The following ITGA8 variants were observed in gnomAD, a reference collection of about 807,000 sequenced individuals.
ITGA8 encodes the protein integrin subunit alpha 8.
ITGA8 carries 91 observed loss-of-function variants against 142.3 expected under a neutral mutation model. That is an observed-to-expected ratio of 0.64 (90% confidence interval 0.54 to 0.76). ITGA8 has a LOEUF of 0.76. Among genes scored for constraint, ITGA8 ranks in the 30% least tolerant of loss-of-function variants. The pLI, the probability that ITGA8 is intolerant of heterozygous loss-of-function variation, is 0.00. For synonymous variants in ITGA8, 505 were observed against 485.2 expected (o/e 1.04, Z -0.54); for missense variants, 1,406 against 1,327.7 (o/e 1.06, Z -0.92).
At chr10:15,710,969 G>A (rs1488067732) in intron 2 of ITGA8, among the ~76,000 whole-genome samples, 3 of 152,122 alleles carry the variant, frequency 2.0e-5, no homozygotes, top group Non-Finnish European at 4.4e-5. Flanking sequence ...ATGTCCTTAT[G>A]TCAAATATCA....
intron 4 of ITGA8, among the ~76,000 whole-genome samples, chr10:15,682,246 C>G (rs1188564897): frequency 6.6e-6 from 1 of 152,198 alleles, no homozygotes; most frequent in Non-Finnish European, 1.5e-5. Context: ...TGTTTACTGT[C>G]TAGAGGCAGT....
chr10:15,606,972 A>G (rs1833207376), intron 17 of ITGA8, among the ~76,000 whole-genome samples: 1 of 152,168 alleles, frequency 6.6e-6, no homozygotes, highest in African/African-American at 2.4e-5. Context: ...CCAAACAGCA[A>G]GCACTAAACA....
chr10:15,600,189 C>T (rs529916826), intron 20 of ITGA8, among the ~76,000 whole-genome samples: 3 of 152,124 alleles, frequency 2.0e-5, no homozygotes, highest in East Asian at 1.9e-4. Flanking sequence ...TATACATGCG[C>T]CATGTTGGTG....
At chr10:15,536,634 C>T (rs1833444735) in intron 27 of ITGA8, among the ~76,000 whole-genome samples, 1 of 152,202 alleles carries the variant, frequency 6.6e-6, no homozygotes, top group Admixed American at 6.5e-5. Flanking sequence ...ATTGAAAACC[C>T]AGCTGGGGTT....
At chr10:15,571,149 T>C (rs977267956) in intron 25 of ITGA8, among the ~76,000 whole-genome samples, 5 of 152,212 alleles carry the variant, frequency 3.3e-5, no homozygotes, top group Admixed American at 6.5e-5. Flanking sequence ...AGGAGGCTGT[T>C]GTCTCATAAG....
chr10:15,703,543 C>T (rs548740851), intron 2 of ITGA8, among the ~76,000 whole-genome samples: 1 of 152,234 alleles, frequency 6.6e-6, no homozygotes, highest in Non-Finnish European at 1.5e-5. Context: ...ATTATCTCTT[C>T]CAAGGGAAAT....
At position 15,719,869 on chromosome 10, in the gene ITGA8, C is replaced by A; in HGVS notation, c.-98G>T. 1 of 966,872 alleles carries A rather than the reference C, an allele frequency of 1.0e-6. No homozygotes were observed. The highest frequency in any genetic ancestry group is 1.4e-6 in the Non-Finnish European group (1 of 734,412). The allele number at this position is 966,872 out of a possible 1,614,324, so 59.9% of individuals were successfully genotyped here. A position where few individuals can be genotyped will look rare whatever the true frequency, so the allele number is the denominator to read the frequency against. The stretch of plus-strand genomic sequence containing the variant: ...GTGGAATCTGGCGGTCCCCAGCTGC[C>A]CGTGTCCCGGGTCGGTGCGCTCGGC... On this transcript the variant is annotated 5_prime_UTR_variant, in exon 1 of 30. Coordinates refer to ENST00000378076, the MANE Select transcript of ITGA8 (RefSeq NM_003638.3).
chr10:15,602,270 C>T (rs1022309946), intron 20 of ITGA8, among the ~76,000 whole-genome samples: 4 of 152,262 alleles, frequency 2.6e-5, no homozygotes, highest in South Asian at 2.1e-4. Flanking sequence ...TATTTGTAGA[C>T]GTCATTTTTC....
chr10:15,582,136 G>A (rs760892228), intron 23 of ITGA8, among the ~76,000 whole-genome samples: 2 of 152,208 alleles, frequency 1.3e-5, no homozygotes, highest in African/African-American at 2.4e-5. Flanking sequence ...CTACTTGGGA[G>A]GCTGTGGTGG....
At chr10:15,714,903 T>C (rs1000416702) in intron 2 of ITGA8, among the ~76,000 whole-genome samples, 1 of 152,140 alleles carries the variant, frequency 6.6e-6, no homozygotes, top group Non-Finnish European at 1.5e-5. Flanking sequence ...AACAACTTCA[T>C]TGAAAGGTCA....
At chr10:15,543,139 T>G (rs1833604455) in intron 27 of ITGA8, among the ~76,000 whole-genome samples, 1 of 152,194 alleles carries the variant, frequency 6.6e-6, no homozygotes, top group South Asian at 2.1e-4. Context: ...TCAAATCTCT[T>G]CATTTTACAA....
In ITGA8 at chr10:15,514,708, T is replaced by G. The variant is rs906974351; in HGVS notation, c.*2450A>C. The G allele has an allele frequency of 6.6e-6, 1 of 152,282 alleles. No homozygotes were observed. The highest frequency in any genetic ancestry group is 1.5e-5 in the Non-Finnish European group (1 of 68,126). The allele number at this position is 152,282 out of a possible 1,614,324, so 9.4% of individuals were successfully genotyped here. ...GTGAGTCACTGCACCCAGACTTTGC[T>G]TCCATATTCTAAAGGGCAGAGGGCC... On this transcript the variant is annotated 3_prime_UTR_variant, in exon 30 of 30. Transcript: ENST00000378076.
At chr10:15,596,782 T>A (rs1290810306) in intron 21 of ITGA8, 1 of 160,556 alleles carries the variant, frequency 6.2e-6, no homozygotes, top group Non-Finnish European at 1.4e-5. Flanking sequence ...AAGGGAATTC[T>A]ATGGTCACTG....
At chr10:15,594,867 C>T (rs760607943) in intron 21 of ITGA8, among the ~76,000 whole-genome samples, 4 of 152,190 alleles carry the variant, frequency 2.6e-5, no homozygotes, top group South Asian at 2.1e-4. Context: ...TATTGTATTG[C>T]GATAGAGGCT....
chr10:15,676,123 G>A (rs1834625680), intron 6 of ITGA8, among the ~76,000 whole-genome samples: 2 of 151,910 alleles, frequency 1.3e-5, no homozygotes, highest in South Asian at 2.1e-4. Context: ...TCTTAACTCC[G>A]GTCACCTTGA....
At chr10:15,555,931 T>G (rs941181669) in intron 26 of ITGA8, among the ~76,000 whole-genome samples, 1 of 150,556 alleles carries the variant, frequency 6.6e-6, no homozygotes, top group Non-Finnish European at 1.5e-5. Flanking sequence ...TCTCCTGACC[T>G]CGTGATCTGC....
At position 15,605,737 on chromosome 10, in the gene ITGA8, G is replaced by T. The variant is rs767236358; in HGVS notation, c.1957C>A (p.Leu653Met). The change falls in exon 19 of 30, where the codon CTG (leucine) becomes ATG (methionine). Residue 653 changes from leucine to methionine, a missense_variant. Leu to Met is a conservative substitution (Grantham distance 15). Coordinates refer to ENST00000378076, the MANE Select transcript of ITGA8 (RefSeq NM_003638.3). Reference sequence around the variant, plus strand: ...ATTTAAACTTACGGTCTAGCCGACAGCTTCAAGTCAGGAACACACAGATTG... The same window carrying T: ...ATTTAAACTTACGGTCTAGCCGACATCTTCAAGTCAGGAACACACAGATTG... ...EDNLCVPDLK[L>M]SARPDKHQVI... 2 of 1,613,100 alleles carry T rather than the reference G, an allele frequency of 1.2e-6. No individual in the cohort carries two copies. The highest frequency in any genetic ancestry group is 3.3e-5 in the Admixed American group (2 of 59,986).
intron 27 of ITGA8, among the ~76,000 whole-genome samples, chr10:15,535,177 C>G (rs1833400187): frequency 6.6e-6 from 1 of 152,138 alleles, no homozygotes; most frequent in African/African-American, 2.4e-5. Context: ...CCCCCAGGGG[C>G]AGGGCTCGGG....
At chr10:15,692,133 A>C (rs917010677) in intron 2 of ITGA8, among the ~76,000 whole-genome samples, 2 of 151,856 alleles carry the variant, frequency 1.3e-5, no homozygotes, top group East Asian at 1.9e-4. Context: ...AGGTTTTGCT[A>C]TGTTGCCCAG....
Sources: allele counts gnomAD v4.1 joint callset (sites outside exome capture counted in the v4.1 genomes callset), GRCh38; gene constraint gnomAD v4.1.1; transcripts MANE v1.5; gene names NCBI Gene and HGNC (gene_info 2026-07-23, HGNC 2026-07-21).